The following CDKAL1 variants were observed in gnomAD, a reference collection of about 807,000 sequenced individuals.
The protein encoded by CDKAL1 is CDKAL1 threonylcarbamoyladenosine tRNA methylthiotransferase.
Under a neutral mutation model 68.2 loss-of-function variants are expected in CDKAL1, and 32 were observed. That is an observed-to-expected ratio of 0.47 (90% CI 0.35 to 0.63). CDKAL1 has a LOEUF of 0.63. Ranked by LOEUF, CDKAL1 falls within the 30% of genes least tolerant of loss-of-function variation. The pLI, the probability that CDKAL1 is intolerant of heterozygous loss-of-function variation, is 0.00. For synonymous variants in CDKAL1, 234 were observed against 244.3 expected (o/e 0.96, Z 0.39); for missense variants, 606 against 696.7 (o/e 0.87, Z 1.47).
chr6:20,758,530 A>C (rs1401402717), intron 6 of CDKAL1, 65 bp from the exon 7 acceptor site: 28 of 1,409,782 alleles, frequency 2.0e-5, no homozygotes, highest in Non-Finnish European at 2.8e-5. Context: ...CTCAAGCATA[A>C]GGATAAACAC....
intron 11 of CDKAL1, among the ~76,000 whole-genome samples, chr6:21,016,862 C>G (rs1415708000): frequency 6.6e-6 from 1 of 152,182 alleles, no homozygotes. Context: ...GTGGGACATT[C>G]TCTTGAATTG....
At chr6:20,583,501 A>G (rs1221474036) in intron 4 of CDKAL1, among the ~76,000 whole-genome samples, 1 of 152,212 alleles carries the variant, frequency 6.6e-6, no homozygotes, top group Non-Finnish European at 1.5e-5. Flanking sequence ...GACTGGTGCA[A>G]TGTGGAAAGA....
chr6:20,802,547 C>G (rs1776412383), intron 8 of CDKAL1, among the ~76,000 whole-genome samples: 1 of 151,862 alleles, frequency 6.6e-6, no homozygotes, highest in Non-Finnish European at 1.5e-5. Context: ...TATATACATA[C>G]ACATATACAT....
chr6:20,749,736 A>G (rs1218992917), intron 6 of CDKAL1, among the ~76,000 whole-genome samples: 1 of 151,584 alleles, frequency 6.6e-6, no homozygotes, highest in African/African-American at 2.4e-5. Context: ...TTTAGTAGAG[A>G]TGGGGTCTCA....
chr6:20,999,878 C>G (rs1767339831), intron 10 of CDKAL1, among the ~76,000 whole-genome samples: 1 of 152,010 alleles, frequency 6.6e-6, no homozygotes, highest in African/African-American at 2.4e-5. Context: ...ACAAATGTAA[C>G]AAGGCAGAAT....
intron 15 of CDKAL1, among the ~76,000 whole-genome samples, chr6:21,214,351 C>T (rs12527673): frequency 0.18 from 27,818 of 151,566 alleles, 2,706 homozygotes; most frequent in African/African-American, 0.2. Flanking sequence ...AAAATTTTTA[C>T]AAAAATCATC....
At chr6:21,071,762 T>A (rs976152135) in intron 12 of CDKAL1, among the ~76,000 whole-genome samples, 13 of 152,310 alleles carry the variant, frequency 8.5e-5, no homozygotes, top group African/African-American at 3.1e-4. Flanking sequence ...GGTGCTAAGG[T>A]AAGAACTGAT....
intron 9 of CDKAL1, among the ~76,000 whole-genome samples, chr6:20,925,613 G>A (rs570630750): frequency 1.1e-3 from 172 of 152,208 alleles, no homozygotes; most frequent in Admixed American, 2.3e-3. Context: ...TTATGTAAAA[G>A]CATTTTATTG....
intron 8 of CDKAL1, among the ~76,000 whole-genome samples, chr6:20,799,040 G>GTTTT (rs754008816): frequency 0.087 from 4,123 of 47,348 alleles, 1,347 homozygotes; most frequent in Non-Finnish European, 0.11. Flanking sequence ...AAAGAACTGA[G>GTTTT]TTTTTTTTTT....
chr6:20,557,055 AAATAAAT>A (rs1764080424), intron 4 of CDKAL1, among the ~76,000 whole-genome samples: 6 of 42,792 alleles, frequency 1.4e-4, no homozygotes, highest in East Asian at 9.0e-4. Flanking sequence ...AAAAAAAAAT[AAATAAAT>A]AAATAAATAA....
At chr6:21,176,682 G>GTTTTTTTTTTTT (rs777506511) in intron 13 of CDKAL1, among the ~76,000 whole-genome samples, 1 of 119,866 alleles carries the variant, frequency 8.3e-6, no homozygotes, top group African/African-American at 3.3e-5. Context: ...CTGGATGTTG[G>GTTTTTTTTTTTT]TTTTTTTTTT....
intron 10 of CDKAL1, among the ~76,000 whole-genome samples, chr6:20,984,344 G>T (rs1044572680): frequency 1.3e-5 from 2 of 152,136 alleles, no homozygotes; most frequent in Non-Finnish European, 2.9e-5. Context: ...GCGGGTGCAG[G>T]AGCTGGGGCA....
chr6:20,782,092 A>C (rs975699095), intron 8 of CDKAL1, among the ~76,000 whole-genome samples: 1 of 152,184 alleles, frequency 6.6e-6, no homozygotes, highest in Non-Finnish European at 1.5e-5. Context: ...CTTGTCCACC[A>C]TCTGCCTGTT....
At chr6:21,096,125 G>A (rs572169882) in intron 12 of CDKAL1, among the ~76,000 whole-genome samples, 1 of 152,172 alleles carries the variant, frequency 6.6e-6, no homozygotes, top group Non-Finnish European at 1.5e-5. Flanking sequence ...CGAGTTGTGG[G>A]CTTATCTAGA....
intron 5 of CDKAL1, among the ~76,000 whole-genome samples, chr6:20,736,666 G>A (rs943888003): frequency 3.3e-5 from 5 of 151,904 alleles, no homozygotes; most frequent in South Asian, 2.1e-4. Context: ...CAGCTACTCC[G>A]GAGGCTGAGG....
chr6:20,934,070 T>A (rs1561895924), intron 9 of CDKAL1, among the ~76,000 whole-genome samples: 1 of 152,110 alleles, frequency 6.6e-6, no homozygotes, highest in South Asian at 2.1e-4. Flanking sequence ...TAGATTTCGA[T>A]TGACACAGGT....
At chr6:20,806,676 GAGATGGTATCTC>G (rs973096128) in intron 8 of CDKAL1, among the ~76,000 whole-genome samples, 16 of 152,136 alleles carry the variant, frequency 1.1e-4, no homozygotes, top group African/African-American at 3.9e-4. Context: ...TGACTGGTCT[GAGATGGTATCTC>G]AGACCAGTTG....
intron 15 of CDKAL1, among the ~76,000 whole-genome samples, chr6:21,219,888 T>G: frequency 6.6e-6 from 1 of 152,340 alleles, no homozygotes; most frequent in Admixed American, 6.5e-5. Context: ...TACACCCAAT[T>G]GTTATGTTTG....
At chr6:21,116,832 A>G (rs1286589418) in intron 13 of CDKAL1, among the ~76,000 whole-genome samples, 1 of 152,180 alleles carries the variant, frequency 6.6e-6, no homozygotes, top group Non-Finnish European at 1.5e-5. Context: ...ATTATTTACC[A>G]CGCCTAAAAG....
Sources: allele counts gnomAD v4.1 joint callset (sites outside exome capture counted in the v4.1 genomes callset), GRCh38; gene constraint gnomAD v4.1.1; transcripts MANE v1.5; gene names NCBI Gene and HGNC (gene_info 2026-07-23, HGNC 2026-07-21).